Variants in SLC44A5 observed in about 807,000 individuals in gnomAD.
SLC44A5 encodes the protein choline transporter-like protein 5.
In SLC44A5, 57 loss-of-function variants were observed where a neutral mutation model predicts 101.8. The observed-to-expected ratio is 0.56, with a 90% CI of 0.45 to 0.70. The LOEUF (loss-of-function observed/expected upper bound fraction) is 0.70, where lower values mean the gene tolerates loss of function less well. Among genes scored for constraint, SLC44A5 ranks in the 30% least tolerant of loss-of-function variants. SLC44A5 has a pLI of 0.00. For synonymous variants in SLC44A5, 281 were observed against 290.9 expected (o/e 0.97, Z 0.35); for missense variants, 737 against 853.1 (o/e 0.86, Z 1.70).
intron 4 of SLC44A5, among the ~76,000 whole-genome samples, chr1:75,328,840 C>T (rs1419166269): frequency 3.3e-5 from 5 of 152,142 alleles, no homozygotes; most frequent in South Asian, 2.1e-4. Context: ...ACTATGCTCA[C>T]GTGCTGTGAT....
chr1:75,640,024 G>T, the SLC44A5 span, among the ~76,000 whole-genome samples: 3 of 151,988 alleles, frequency 2.0e-5, no homozygotes, highest in Non-Finnish European at 4.4e-5. Flanking sequence ...GTACTGAAAG[G>T]GGGAAAAGGC....
At chr1:75,723,227 A>G in the SLC44A5 span, among the ~76,000 whole-genome samples, 1 of 152,222 alleles carries the variant, frequency 6.6e-6, no homozygotes, top group Admixed American at 6.5e-5. Context: ...TGGCAAGACT[A>G]CTAGCGAGCG....
chr1:75,694,468 T>TA, the SLC44A5 span, among the ~76,000 whole-genome samples: 1 of 152,120 alleles, frequency 6.6e-6, no homozygotes, highest in Admixed American at 6.6e-5. Context: ...TCACTATTTT[T>TA]AAAAAACATG....
chr1:75,287,573 G>T (rs1392400469), intron 5 of SLC44A5, among the ~76,000 whole-genome samples: 2 of 151,768 alleles, frequency 1.3e-5, no homozygotes, highest in Non-Finnish European at 2.9e-5. Context: ...CATTTGGGTA[G>T]ACTATGTCAG....
chr1:75,694,779 T>C, the SLC44A5 span, among the ~76,000 whole-genome samples: 1 of 152,144 alleles, frequency 6.6e-6, no homozygotes, highest in East Asian at 1.9e-4. Flanking sequence ...TCATGTCTCA[T>C]TGGGAAACTA....
chr1:75,469,098 A>G (rs2101722868), intron 2 of SLC44A5, among the ~76,000 whole-genome samples: 1 of 152,364 alleles, frequency 6.6e-6, no homozygotes, highest in African/African-American at 2.4e-5. Context: ...CTTTTACTCA[A>G]CCCAATATAT....
chr1:75,276,632 T>C (rs574223797), intron 5 of SLC44A5, among the ~76,000 whole-genome samples: 1 of 152,126 alleles, frequency 6.6e-6, no homozygotes, highest in South Asian at 2.1e-4. Flanking sequence ...ATAATGAAAA[T>C]AGAGTGACTA....
intron 2 of SLC44A5, among the ~76,000 whole-genome samples, chr1:75,506,580 G>A (rs1669271635): frequency 6.6e-6 from 1 of 152,014 alleles, no homozygotes; most frequent in African/African-American, 2.4e-5. Flanking sequence ...TGTACTCCTT[G>A]GTATTTTATA....
intron 3 of SLC44A5, among the ~76,000 whole-genome samples, chr1:75,352,733 T>C (rs985146959): frequency 1.3e-5 from 2 of 152,158 alleles, no homozygotes; most frequent in Non-Finnish European, 2.9e-5. Flanking sequence ...TCTGACCCTA[T>C]AAAAGAACAA....
chr1:75,388,130 G>A (rs1183386602), intron 3 of SLC44A5, among the ~76,000 whole-genome samples: 1 of 141,082 alleles, frequency 7.1e-6, no homozygotes, highest in Admixed American at 7.1e-5. Flanking sequence ...GTTAGTGGGT[G>A]CAGCGCACCA....
intron 3 of SLC44A5, among the ~76,000 whole-genome samples, chr1:75,363,569 C>A (rs1659651891): frequency 6.6e-6 from 1 of 151,876 alleles, no homozygotes; most frequent in Non-Finnish European, 1.5e-5. Context: ...TTATACTCAC[C>A]TCCTTATATT....
intron 1 of SLC44A5, among the ~76,000 whole-genome samples, chr1:75,576,660 G>A (rs1227000344): frequency 6.6e-6 from 1 of 152,032 alleles, no homozygotes; most frequent in Non-Finnish European, 1.5e-5. Flanking sequence ...CTAAGCTATC[G>A]CAAGTCCTAG....
intron 10 of SLC44A5, 116 bp downstream of exon 10, chr1:75,238,385 CATATATATATAT>C (rs71081318): frequency 0.3 from 65,259 of 215,040 alleles, 11,351 homozygotes; most frequent in Non-Finnish European, 0.36. Flanking sequence ...ACGTATATTT[CATATATATATAT>C]ATATATATAT....
At chr1:75,656,457 G>A in the SLC44A5 span, among the ~76,000 whole-genome samples, 2 of 152,138 alleles carry the variant, frequency 1.3e-5, no homozygotes, top group Admixed American at 6.5e-5. Flanking sequence ...ACAACAATTT[G>A]TTGAGATAGG....
chr1:75,712,153 G>A, the SLC44A5 span, among the ~76,000 whole-genome samples: 5 of 152,186 alleles, frequency 3.3e-5, no homozygotes, highest in Non-Finnish European at 7.3e-5. Flanking sequence ...TTTTCTGGCT[G>A]GAAGAATGTA....
At chr1:75,603,753 G>GT (rs57844833) in intron 1 of SLC44A5, among the ~76,000 whole-genome samples, 1,127 of 54,088 alleles carry the variant, frequency 0.021, 96 homozygotes, top group African/African-American at 0.083. Context: ...ATTTTTTCAT[G>GT]TTTTTTTTTT....
chr1:75,286,600 T>C (rs1407565422), intron 5 of SLC44A5, among the ~76,000 whole-genome samples: 3 of 152,166 alleles, frequency 2.0e-5, no homozygotes, highest in Non-Finnish European at 4.4e-5. Flanking sequence ...AGGTGCTATT[T>C]TGGTGTATTT....
chr1:75,383,403 C>T (rs1418866221), intron 3 of SLC44A5, among the ~76,000 whole-genome samples: 2 of 151,506 alleles, frequency 1.3e-5, no homozygotes, highest in Non-Finnish European at 2.9e-5. Flanking sequence ...TTCCAAATCT[C>T]TCGTCCCACC....
the SLC44A5 span, among the ~76,000 whole-genome samples, chr1:75,714,802 T>C: frequency 6.6e-6 from 1 of 152,130 alleles, no homozygotes; most frequent in African/African-American, 2.4e-5. Flanking sequence ...GCCTCCTGAG[T>C]AGCTGGGATT....
Sources: allele counts gnomAD v4.1 joint callset (sites outside exome capture counted in the v4.1 genomes callset), GRCh38; gene constraint gnomAD v4.1.1; transcripts MANE v1.5; gene names NCBI Gene and HGNC (gene_info 2026-07-23, HGNC 2026-07-21).